The following GALNT13 variants were observed in gnomAD, a reference collection of about 807,000 sequenced individuals.
GALNT13 encodes UDP-GalNAc:polypeptide N-acetylgalactosaminyltransferase 13.
Under a neutral mutation model 64.2 loss-of-function variants are expected in GALNT13, and 28 were observed. The observed-to-expected ratio is 0.44, with a 90% CI of 0.32 to 0.60. The LOEUF (loss-of-function observed/expected upper bound fraction) is 0.60. GALNT13 is among the 20% of genes least tolerant of loss of function. The probability of loss-of-function intolerance (pLI) is 0.05; values close to 1 mark genes in which losing one functional copy is unlikely to be tolerated. For missense variants in GALNT13, 577 were observed against 669.8 expected (o/e 0.86, Z 1.53); for synonymous variants, 214 against 224.6 (o/e 0.95, Z 0.42).
chr2:153,753,157 T>C, the GALNT13 span, among the ~76,000 whole-genome samples: 1 of 152,192 alleles, frequency 6.6e-6, no homozygotes, highest in Non-Finnish European at 1.5e-5. Flanking sequence ...TTTGTTGTCT[T>C]GAATTTCTTT....
At chr2:154,072,157 A>G (rs945194260) in intron 3 of GALNT13, among the ~76,000 whole-genome samples, 4 of 152,126 alleles carry the variant, frequency 2.6e-5, no homozygotes, top group African/African-American at 9.7e-5. Flanking sequence ...GGATTCATGA[A>G]ATGACAGGCA....
chr2:154,257,551 C>T (rs1276077468), intron 7 of GALNT13: 1 of 152,092 alleles, frequency 6.6e-6, no homozygotes, highest in Admixed American at 6.5e-5. Context: ...GTTAGTGTTT[C>T]TCATTATAAC....
rs1339834475 is a variant in GALNT13 at position 154,369,100 on chromosome 2, T to TG, written c.1157-26889dup. On this transcript the variant is annotated intron_variant, in intron 9 of 12. Coordinates refer to ENST00000392825, the MANE Select transcript of GALNT13 (RefSeq NM_052917.4). ...TGTCTTGAATAAATAAGTACAATTC[T>TG]GGAAAAAAAATGTTTCAAATAATGG... Among the ~76,000 whole-genome samples the TG allele has an allele frequency of 3.6e-4, 55 of 150,954 alleles. 1 individual carries two copies. The Admixed American group carries it at 3.7e-3, about 10-fold the overall frequency.
chr2:153,641,017 T>C, the GALNT13 span, among the ~76,000 whole-genome samples: 4 of 152,182 alleles, frequency 2.6e-5, no homozygotes, highest in Admixed American at 2.6e-4. Flanking sequence ...TCAGCAGTTT[T>C]AGTCTAGGAG....
At chr2:153,151,024 T>C in the GALNT13 span, among the ~76,000 whole-genome samples, 1 of 152,204 alleles carries the variant, frequency 6.6e-6, no homozygotes, top group African/African-American at 2.4e-5. Flanking sequence ...GGTAGCTTGA[T>C]GGGGATGGCA....
At chr2:153,118,577 T>C in the GALNT13 span, among the ~76,000 whole-genome samples, 3 of 152,330 alleles carry the variant, frequency 2.0e-5, no homozygotes, top group African/African-American at 7.2e-5. Flanking sequence ...GTCTGCCACA[T>C]ATCTTACTGA....
chr2:153,884,400 G>C (rs55761918), intron 1 of GALNT13, among the ~76,000 whole-genome samples: 24,649 of 151,580 alleles, frequency 0.16, 2,405 homozygotes, highest in East Asian at 0.25. Context: ...CCATTGTAGA[G>C]CTAATAAACA....
intron 3 of GALNT13, among the ~76,000 whole-genome samples, chr2:154,061,847 T>A (rs1052045435): frequency 6.6e-6 from 1 of 152,200 alleles, no homozygotes; most frequent in African/African-American, 2.4e-5. Flanking sequence ...AGCATCGATG[T>A]GATCTGCTTT....
At chr2:153,388,526 C>T in the GALNT13 span, among the ~76,000 whole-genome samples, 5 of 152,054 alleles carry the variant, frequency 3.3e-5, no homozygotes, top group Admixed American at 1.3e-4. Context: ...GTCTATGGAA[C>T]ATTCTTATGC....
chr2:153,222,307 T>TGGGGGGGGG, the GALNT13 span, among the ~76,000 whole-genome samples: 5 of 6,320 alleles, frequency 7.9e-4, no homozygotes, highest in Non-Finnish European at 1.8e-3. Flanking sequence ...TGAGTCTGGC[T>TGGGGGGGGG]GGGGGGGGGG....
At chr2:153,919,808 T>A (rs1689629956) in intron 2 of GALNT13, among the ~76,000 whole-genome samples, 1 of 151,674 alleles carries the variant, frequency 6.6e-6, no homozygotes, top group Non-Finnish European at 1.5e-5. Flanking sequence ...TCATTTCATA[T>A]ATAATCTTTA....
chr2:153,176,157 A>G, the GALNT13 span, among the ~76,000 whole-genome samples: 2 of 152,222 alleles, frequency 1.3e-5, no homozygotes, highest in Non-Finnish European at 2.9e-5. Flanking sequence ...TCAGAAACCC[A>G]TGAGAGTAAC....
At chr2:153,724,003 C>T in the GALNT13 span, among the ~76,000 whole-genome samples, 1 of 147,970 alleles carries the variant, frequency 6.8e-6, no homozygotes, top group Non-Finnish European at 1.5e-5. Context: ...CCAAGTCAAT[C>T]CTAAGCCAAA....
chr2:153,353,655 A>T, the GALNT13 span, among the ~76,000 whole-genome samples: 1 of 152,186 alleles, frequency 6.6e-6, no homozygotes, highest in African/African-American at 2.4e-5. Flanking sequence ...AGTTTTTGTC[A>T]TGAATGGGTG....
At chr2:153,678,982 T>G in the GALNT13 span, among the ~76,000 whole-genome samples, 1 of 151,980 alleles carries the variant, frequency 6.6e-6, no homozygotes, top group African/African-American at 2.4e-5. Flanking sequence ...CCATTGGATC[T>G]CTCCTTCCTC....
chr2:154,448,412 C>G (rs1033074324), intron 12 of GALNT13, among the ~76,000 whole-genome samples: 1 of 151,912 alleles, frequency 6.6e-6, no homozygotes, highest in African/African-American at 2.4e-5. Flanking sequence ...ATGTTTAAGT[C>G]TAAGTATTTT....
At chr2:154,201,396 C>T (rs1044002097) in intron 4 of GALNT13, among the ~76,000 whole-genome samples, 7 of 152,116 alleles carry the variant, frequency 4.6e-5, no homozygotes, top group Non-Finnish European at 8.8e-5. Context: ...CTGAGACCAA[C>T]GCATCTCTTA....
At chr2:154,156,947 G>C (rs1186852540) in intron 4 of GALNT13, among the ~76,000 whole-genome samples, 1 of 152,118 alleles carries the variant, frequency 6.6e-6, no homozygotes, top group Non-Finnish European at 1.5e-5. Context: ...GTTTATTTGG[G>C]AGACGGTTCA....
the GALNT13 span, among the ~76,000 whole-genome samples, chr2:153,765,221 C>T: frequency 9.7e-4 from 148 of 152,268 alleles, 1 homozygote; most frequent in East Asian, 0.01. Context: ...TTTCACTGCA[C>T]CTGGAAAAGC....
Sources: gnomAD v4.1 joint callset for allele counts (sites outside exome capture counted in the v4.1 genomes callset) on GRCh38, gnomAD v4.1.1 for gene constraint, MANE v1.5 for transcripts, NCBI Gene and HGNC (gene_info 2026-07-23, HGNC 2026-07-21) for gene names.